The following KCNG4 variants were observed in gnomAD, a reference collection of about 807,000 sequenced individuals.
The protein encoded by KCNG4 is potassium voltage-gated channel modifier subfamily G member 4.
In KCNG4, 30 loss-of-function variants were observed where a neutral mutation model predicts 28.2. The ratio of observed to expected loss-of-function variants is 1.06; its 90% CI spans 0.80 to 1.44. KCNG4 has a LOEUF of 1.44. Among genes scored for constraint, KCNG4 ranks in the 40% most tolerant of loss-of-function variants. The pLI, the probability that KCNG4 is intolerant of heterozygous loss-of-function variation, is 0.00. For missense variants in KCNG4, 879 were observed against 712.3 expected (o/e 1.23, Z -2.66); for synonymous variants, 375 against 315.5 (o/e 1.19, Z -2.00).
At chr16:84,234,390 G>A (rs1391642909) in intron 2 of KCNG4, among the ~76,000 whole-genome samples, 1 of 152,038 alleles carries the variant, frequency 6.6e-6, no homozygotes, top group Non-Finnish European at 1.5e-5. Flanking sequence ...TGTTGGCCAG[G>A]CTGATCTCAA....
At position 84,220,195 on chromosome 16, in the gene KCNG4, G is replaced by T. The variant is rs1428353670; in HGVS notation, c.*2022C>A. 6.6e-6 allele frequency: 1 copy of T among 152,264 alleles called. No individual in the cohort carries two copies. The highest frequency in any genetic ancestry group is 1.9e-4 in the East Asian group (1 of 5,200). The allele number at this position is 152,264 out of a possible 1,614,324, so 9.4% of individuals were successfully genotyped here. On this transcript the variant is annotated 3_prime_UTR_variant, in exon 3 of 3. Coordinates refer to ENST00000308251, the MANE Select transcript of KCNG4 (RefSeq NM_172347.3). ...ATGGGAATCTGCCTGTCACTTTGTG[G>T]AGTGGAGTGGCCATCCAGGCTGGGG...
chr16:84,237,527 T>G lies in KCNG4; in HGVS notation c.-40-2A>C. ...GTAGGAAGCGCTGGGTTTACCAGTCTGACACCCAAGGGACAAAGAGCAAGC... is the reference window on the plus strand; with the variant it reads ...GTAGGAAGCGCTGGGTTTACCAGTCGGACACCCAAGGGACAAAGAGCAAGC... On this transcript the variant is annotated splice_acceptor_variant, in intron 1 of 2. Transcript: ENST00000308251. LOFTEE classifies it low-confidence loss of function (5UTR_SPLICE). 6.9e-7 allele frequency: 1 copy of G among 1,446,710 alleles called. No individual in the cohort carries two copies. 89.6% of individuals were successfully genotyped at this position (1,446,710 alleles called of 1,614,324 possible). A position where few individuals can be genotyped will look rare whatever the true frequency, so the allele number is the denominator to read the frequency against.
rs1904526353 is a variant in KCNG4, at chr16:84,220,250, G to GT, written c.*1966dup. ...TATAGGGTGAAGGGGCTTTCCTTGT[G>GT]TCATGGCCACTGAACCACTATGTCA... On this transcript the variant is annotated 3_prime_UTR_variant, in exon 3 of 3. Coordinates refer to ENST00000308251, the MANE Select transcript of KCNG4 (RefSeq NM_172347.3). 6.6e-6 allele frequency: 1 copy of GT among 152,204 alleles called. No individual in the cohort carries two copies. The highest frequency in any genetic ancestry group is 2.1e-4 in the South Asian group (1 of 4,826). 9.4% of individuals were successfully genotyped at this position (152,204 alleles called of 1,614,324 possible).
rs1905055967 is a variant in KCNG4 at position 84,239,740 on chromosome 16, A to C, written c.-111T>G. Reference sequence around the variant, plus strand: ...AAGGGGAGCCCATCTCTTGGTGCCCAGGGAAGGGACAGGTTTCTGGTGGAG... The same window carrying C: ...AAGGGGAGCCCATCTCTTGGTGCCCCGGGAAGGGACAGGTTTCTGGTGGAG... On this transcript the variant is annotated 5_prime_UTR_variant, in exon 1 of 3. Transcript: ENST00000308251. The C allele has an allele frequency of 6.6e-6, 1 of 151,006 alleles. No individual in the cohort carries two copies. The allele number at this position is 151,006 out of a possible 1,614,324, so 9.4% of individuals were successfully genotyped here.
rs967331539 is a variant in KCNG4 at position 84,237,516 on chromosome 16, G to A, written c.-31C>T. ...AAGACCACCAGGTAGGAAGCGCTGGGTTTACCAGTCTGACACCCAAGGGAC... is the reference window on the plus strand; with the variant it reads ...AAGACCACCAGGTAGGAAGCGCTGGATTTACCAGTCTGACACCCAAGGGAC... On this transcript the variant is annotated 5_prime_UTR_variant, in exon 2 of 3. Coordinates refer to ENST00000308251, the MANE Select transcript of KCNG4 (RefSeq NM_172347.3). 2.1e-6 allele frequency: 3 copies of A among 1,460,690 alleles called. No homozygotes were observed. The highest frequency in any genetic ancestry group is 1.4e-5 in the African/African-American group (1 of 70,906). 90.5% of individuals were successfully genotyped at this position (1,460,690 alleles called of 1,614,324 possible). A position where few individuals can be genotyped will look rare whatever the true frequency, so the allele number is the denominator to read the frequency against.
intron 2 of KCNG4, among the ~76,000 whole-genome samples, chr16:84,228,211 G>A (rs1567625122): frequency 6.6e-6 from 1 of 152,234 alleles, no homozygotes; most frequent in African/African-American, 2.4e-5. Context: ...GAGGGGCTCA[G>A]GGCCCACAGT....
rs1007464146 is a variant in KCNG4, at chr16:84,220,721, C to G, written c.*1496G>C. 2.6e-5 allele frequency: 4 copies of G among 152,284 alleles called. No individual in the cohort carries two copies. Among genetic ancestry groups the G allele is most frequent in the Non-Finnish European group, 5.9e-5 (4 of 68,068 alleles). The allele number at this position is 152,284 out of a possible 1,614,324, so 9.4% of individuals were successfully genotyped here. ...CTCTGGGGAAGTGCCATCAGGATGT[C>G]TCCAAGGTGTGTCCTGCTGGGAGAA... On this transcript the variant is annotated 3_prime_UTR_variant, in exon 3 of 3. Transcript: ENST00000308251.
In KCNG4 at chr16:84,221,728, C is replaced by T. The variant is rs548051042; in HGVS notation, c.*489G>A. On this transcript the variant is annotated 3_prime_UTR_variant, in exon 3 of 3. Coordinates refer to ENST00000308251, the MANE Select transcript of KCNG4 (RefSeq NM_172347.3). ...AGAACATATTGATCCCTCTGGAACC[C>T]GTGGAAAGGTTGGGTGGGGAGATCT... 55 of 160,388 alleles carry T rather than the reference C, an allele frequency of 3.4e-4. No individual in the cohort carries two copies. Among genetic ancestry groups the T allele is most frequent in the Non-Finnish European group, 6.1e-4 (44 of 72,702 alleles). The allele number at this position is 160,388 out of a possible 1,614,324, so 9.9% of individuals were successfully genotyped here. A position where few individuals can be genotyped will look rare whatever the true frequency, so the allele number is the denominator to read the frequency against.
chr16:84,237,404 A>G lies in KCNG4; in HGVS notation c.82T>C (p.Ser28Pro). The part of the protein sequence containing the change: ...GSHSPWSQLL[S>P]SPMETPSIKG... ...ATGGACGGCGTCTCCATGGGGCTGG[A>G]CAGGAGCTGACTCCAAGGGCTGTGG... Residue 28 changes from serine (S) to proline (P), a missense_variant, in exon 2 of 3, where the codon TCC becomes CCC. Coordinates refer to ENST00000308251, the MANE Select transcript of KCNG4 (RefSeq NM_172347.3). The G allele has an allele frequency of 6.6e-7, 1 of 1,523,104 alleles. No homozygotes were observed. Among genetic ancestry groups the G allele is most frequent in the Non-Finnish European group, 8.8e-7 (1 of 1,137,224 alleles). 94.3% of individuals were successfully genotyped at this position (1,523,104 alleles called of 1,614,324 possible). A position where few individuals can be genotyped will look rare whatever the true frequency, so the allele number is the denominator to read the frequency against.
At chr16:84,238,894 C>T (rs180970108) in intron 1 of KCNG4, among the ~76,000 whole-genome samples, 74 of 152,022 alleles carry the variant, frequency 4.9e-4, no homozygotes, top group African/African-American at 1.4e-3. Flanking sequence ...AAAAAAATGA[C>T]GGGGCCTCTA....
At chr16:84,234,920 G>T (rs773108257) in intron 2 of KCNG4, among the ~76,000 whole-genome samples, 7 of 152,124 alleles carry the variant, frequency 4.6e-5, no homozygotes, top group Non-Finnish European at 8.8e-5. Context: ...TATCTAAACG[G>T]AAACACAGAC....
At chr16:84,230,762 G>C (rs539543813) in intron 2 of KCNG4, among the ~76,000 whole-genome samples, 273 of 152,312 alleles carry the variant, frequency 1.8e-3, no homozygotes, top group African/African-American at 6.3e-3. Context: ...GGTTGCCATA[G>C]GGTGTGCATG....
chr16:84,232,004 C>CAA lies in KCNG4; in HGVS notation c.756+4724_756+4725dup, dbSNP rs11298495. Among the ~76,000 whole-genome samples the CAA allele has an allele frequency of 2.9e-3, 286 of 100,066 alleles. 1 individual carries two copies. Among genetic ancestry groups the CAA allele is most frequent in the Middle Eastern group, 0.025 (5 of 202 alleles). 65.6% of individuals were successfully genotyped at this position (100,066 alleles called of 152,430 possible). On this transcript the variant is annotated intron_variant, in intron 2 of 2. Coordinates refer to ENST00000308251, the MANE Select transcript of KCNG4 (RefSeq NM_172347.3). ...GGGTAACAAAAGCAAAACTCCATCTCAAAAAAAAAAAAAAAAAAAGAGTCA... is the reference window on the plus strand; with the variant it reads ...GGGTAACAAAAGCAAAACTCCATCTCAAAAAAAAAAAAAAAAAAAAAGAGTCA...
At position 84,237,120 on chromosome 16, in the gene KCNG4, C is replaced by T. The variant is rs1400116790; in HGVS notation, c.366G>A (p.Val122=). 6.2e-7 allele frequency: 1 copy of T among 1,614,152 alleles called. No homozygotes were observed. Among genetic ancestry groups the T allele is most frequent in the Non-Finnish European group, 8.5e-7 (1 of 1,180,040 alleles). The part of the protein sequence containing the change: ...FFDRSPSAFG[V]IVSFLAAGKL... ...TCCCGGCCGCCAGGAAGCTCACGAT[C>T]ACCCCGAAGGCGCTGGGGCTCCTGT... Residue 122 remains valine (V), a synonymous_variant, in exon 2 of 3, where the codon GTG becomes GTA. Coordinates refer to ENST00000308251, the MANE Select transcript of KCNG4 (RefSeq NM_172347.3).
chr16:84,225,792 C>T (rs57901014), intron 2 of KCNG4, among the ~76,000 whole-genome samples: 12,834 of 152,290 alleles, frequency 0.084, 617 homozygotes, highest in Middle Eastern at 0.12. Context: ...GGCCCTCTGG[C>T]CACCTCTCTG....
intron 2 of KCNG4, among the ~76,000 whole-genome samples, chr16:84,223,920 G>A (rs976664495): frequency 4.6e-5 from 7 of 152,164 alleles, no homozygotes; most frequent in Non-Finnish European, 1.0e-4. Context: ...ACAGCCCTTG[G>A]GATGTGTGAT....
At chr16:84,224,798 T>C (rs901610739) in intron 2 of KCNG4, among the ~76,000 whole-genome samples, 3 of 152,214 alleles carry the variant, frequency 2.0e-5, no homozygotes, top group Non-Finnish European at 2.9e-5. Context: ...AGAGGGTCAG[T>C]GGCCAGTGCG....
chr16:84,230,390 G>C (rs244805), intron 2 of KCNG4, among the ~76,000 whole-genome samples: 2,530 of 121,004 alleles, frequency 0.021, 125 homozygotes, highest in African/African-American at 0.079. Flanking sequence ...GGGTGACAGT[G>C]AGACTTCATC....
chr16:84,235,971 G>C, intron 2 of KCNG4: 1 of 152,142 alleles, frequency 6.6e-6, no homozygotes, highest in Non-Finnish European at 1.5e-5. Flanking sequence ...GTGTCTCGGG[G>C]TCTCCTGTAA....
Sources: allele counts gnomAD v4.1 joint callset (sites outside exome capture counted in the v4.1 genomes callset), GRCh38; gene constraint gnomAD v4.1.1; transcripts MANE v1.5; gene names NCBI Gene and HGNC (gene_info 2026-07-23, HGNC 2026-07-21).